Variants in ENTHD1 observed in about 807,000 individuals in gnomAD.
ENTHD1 encodes ENTH domain-containing protein 1.
In ENTHD1, 23 loss-of-function variants were observed where a neutral mutation model predicts 39.1. That is an observed-to-expected ratio of 0.59 (90% CI 0.42 to 0.83). The LOEUF (loss-of-function observed/expected upper bound fraction) is 0.83. Ranked by LOEUF, ENTHD1 falls within the 40% of genes least tolerant of loss-of-function variation. ENTHD1 has a pLI of 0.00. For synonymous variants in ENTHD1, 230 were observed against 258.2 expected (o/e 0.89, Z 1.05); for missense variants, 624 against 705.4 (o/e 0.88, Z 1.31).
At chr22:39,826,450 T>C (rs1451138855) in intron 4 of ENTHD1, among the ~76,000 whole-genome samples, 1 of 152,194 alleles carries the variant, frequency 6.6e-6, no homozygotes, top group East Asian at 1.9e-4. Context: ...CTTTATGATT[T>C]CCTTTCTTCT....
intron 2 of ENTHD1, among the ~76,000 whole-genome samples, chr22:39,881,300 A>G (rs2066336269): frequency 6.6e-6 from 1 of 152,222 alleles, no homozygotes; most frequent in Non-Finnish European, 1.5e-5. Flanking sequence ...TAAGTACAAT[A>G]TAGAATATCA....
intron 3 of ENTHD1, among the ~76,000 whole-genome samples, chr22:39,856,317 AT>A (rs2066087086): frequency 6.9e-6 from 1 of 145,726 alleles, no homozygotes; most frequent in East Asian, 2.0e-4. Flanking sequence ...TCAATTTCTT[AT>A]TTTTTCCCAC....
chr22:39,862,423 C>T (rs942569563), intron 2 of ENTHD1, among the ~76,000 whole-genome samples: 1 of 151,782 alleles, frequency 6.6e-6, no homozygotes, highest in Non-Finnish European at 1.5e-5. Flanking sequence ...TGGCATGTGC[C>T]TGTAGTCCCA....
chr22:39,854,038 A>G (rs1601643419), intron 3 of ENTHD1, among the ~76,000 whole-genome samples: 1 of 152,190 alleles, frequency 6.6e-6, no homozygotes, highest in Non-Finnish European at 1.5e-5. Context: ...CTGGACAGGG[A>G]TGCTGCTTCA....
At chr22:39,873,755 T>C (rs2066263303) in intron 2 of ENTHD1, among the ~76,000 whole-genome samples, 1 of 152,350 alleles carries the variant, frequency 6.6e-6, no homozygotes, top group Non-Finnish European at 1.5e-5. Flanking sequence ...ATGAACTCTA[T>C]CTCACAATAT....
intron 2 of ENTHD1, among the ~76,000 whole-genome samples, chr22:39,883,615 T>C (rs1267342439): frequency 6.6e-6 from 1 of 152,038 alleles, no homozygotes; most frequent in Non-Finnish European, 1.5e-5. Context: ...GTGAAACTAT[T>C]TGTATATGAC....
intron 2 of ENTHD1, among the ~76,000 whole-genome samples, chr22:39,870,150 G>C (rs915923788): frequency 6.6e-6 from 1 of 152,034 alleles, no homozygotes; most frequent in South Asian, 2.1e-4. Context: ...CCGAGTGGCT[G>C]GGATTACAGG....
chr22:39,825,032 T>C (rs932154599), intron 4 of ENTHD1, among the ~76,000 whole-genome samples: 7 of 152,240 alleles, frequency 4.6e-5, no homozygotes, highest in Admixed American at 6.5e-5. Context: ...CTTTACTATG[T>C]TGAGTCTTCC....
At chr22:39,834,132 A>G (rs1051353612) in intron 4 of ENTHD1, among the ~76,000 whole-genome samples, 16 of 152,158 alleles carry the variant, frequency 1.1e-4, no homozygotes, top group African/African-American at 3.9e-4. Context: ...AAAAACTGAA[A>G]AATTTGACTT....
At chr22:39,852,141 T>G (rs1410809535) in intron 3 of ENTHD1, among the ~76,000 whole-genome samples, 1 of 151,628 alleles carries the variant, frequency 6.6e-6, no homozygotes, top group Non-Finnish European at 1.5e-5. Flanking sequence ...GAGACCTTCC[T>G]GGGCAACATG....
At chr22:39,812,495 C>T (rs1330946151) in intron 5 of ENTHD1, among the ~76,000 whole-genome samples, 2 of 152,150 alleles carry the variant, frequency 1.3e-5, no homozygotes, top group Admixed American at 6.5e-5. Flanking sequence ...TGCTAGGGGA[C>T]GTTCACTGTG....
At chr22:39,864,225 T>G (rs2066166763) in intron 2 of ENTHD1, among the ~76,000 whole-genome samples, 1 of 152,094 alleles carries the variant, frequency 6.6e-6, no homozygotes, top group Non-Finnish European at 1.5e-5. Flanking sequence ...ACTCATCTCC[T>G]TCCACCTTCC....
intron 4 of ENTHD1, among the ~76,000 whole-genome samples, chr22:39,823,520 T>A (rs1277865377): frequency 1.3e-5 from 2 of 151,968 alleles, no homozygotes; most frequent in Non-Finnish European, 2.9e-5. Context: ...AAATTTTTTT[T>A]AATTTTTTTT....
intron 2 of ENTHD1, among the ~76,000 whole-genome samples, chr22:39,863,188 C>T (rs1436667912): frequency 1.3e-5 from 2 of 151,886 alleles, no homozygotes; most frequent in Admixed American, 6.6e-5. Flanking sequence ...CAGACTAAGA[C>T]AGATAGACAG....
intron 1 of ENTHD1, among the ~76,000 whole-genome samples, chr22:39,890,560 A>G (rs1243305437): frequency 6.6e-6 from 1 of 152,148 alleles, no homozygotes; most frequent in Admixed American, 6.5e-5. Flanking sequence ...ATAGCTATCT[A>G]TCTATATTTT....
At chr22:39,802,306 T>C (rs368822887) in intron 5 of ENTHD1, among the ~76,000 whole-genome samples, 1 of 152,174 alleles carries the variant, frequency 6.6e-6, no homozygotes, top group East Asian at 1.9e-4. Context: ...GAGAAAACCG[T>C]CTGTTTTTAA....
intron 3 of ENTHD1, among the ~76,000 whole-genome samples, chr22:39,840,758 T>C (rs1331285063): frequency 6.7e-6 from 1 of 150,032 alleles, no homozygotes; most frequent in Non-Finnish European, 1.5e-5. Flanking sequence ...TAGTTAAGCA[T>C]CTTTTTTTTT....
chr22:39,869,494 G>C (rs186361995), intron 2 of ENTHD1, among the ~76,000 whole-genome samples: 1 of 152,212 alleles, frequency 6.6e-6, no homozygotes, highest in East Asian at 1.9e-4. Flanking sequence ...AGGGAGGCAA[G>C]GGCTGAAAAA....
intron 3 of ENTHD1, among the ~76,000 whole-genome samples, chr22:39,839,859 T>A (rs369119881): frequency 2.0e-5 from 3 of 152,298 alleles, no homozygotes; most frequent in African/African-American, 7.2e-5. Flanking sequence ...TAGCAAGAAA[T>A]GTGAAAGAAA....
Sources: gnomAD v4.1 joint callset for allele counts (sites outside exome capture counted in the v4.1 genomes callset) on GRCh38, gnomAD v4.1.1 for gene constraint, MANE v1.5 for transcripts, NCBI Gene and HGNC (gene_info 2026-07-23, HGNC 2026-07-21) for gene names.